Variants in MYO3A observed in about 807,000 individuals in gnomAD.
MYO3A encodes myosin-IIIa.
In MYO3A, 180 loss-of-function variants were observed where a neutral mutation model predicts 192.7. The observed-to-expected ratio is 0.93, with a 90% CI of 0.83 to 1.06. The LOEUF (loss-of-function observed/expected upper bound fraction) is 1.06, where lower values mean the gene tolerates loss of function less well. MYO3A is among the 50% of genes least tolerant of loss of function. MYO3A has a pLI of 0.00. For missense variants in MYO3A, 1,896 were observed against 1,905.0 expected, an observed-to-expected ratio of 1.00 and a Z score of 0.09; for synonymous variants, 628 against 645.3, an observed-to-expected ratio of 0.97 and a Z score of 0.41.
chr10:26,174,436 A>G lies in MYO3A; in HGVS notation c.4172A>G (p.His1391Arg). The part of the protein sequence containing the change: ...TTPTEVARNT[H>R]NLYSYPTKHE... ...CCAACAGAAGTAGCAAGAAACACTC[A>G]TAATTTGTATTCCTATCCCACAAAA... Residue 1391 changes from histidine (H) to arginine (R), a missense_variant, in exon 30 of 35, where the codon CAT becomes CGT. His to Arg is a conservative substitution (Grantham distance 29). Coordinates refer to ENST00000642920, the MANE Select transcript of MYO3A (RefSeq NM_017433.5). The G allele has an allele frequency of 6.2e-7, 1 of 1,614,188 alleles. No homozygotes were observed. The highest frequency in any genetic ancestry group is 8.5e-7 in the Non-Finnish European group (1 of 1,180,036).
intron 34 of MYO3A, among the ~76,000 whole-genome samples, chr10:26,211,168 G>C (rs1050082409): frequency 1.3e-5 from 2 of 152,206 alleles, no homozygotes; most frequent in Admixed American, 6.5e-5. Context: ...GGTGCTCAGT[G>C]AATGAATGAA....
In MYO3A at chr10:26,145,468, A is replaced by C; in HGVS notation, c.2439A>C (p.Lys813Asn). The change falls in exon 22 of 35, where the codon AAA becomes AAC. Residue 813 changes from lysine (K) to asparagine (N), a missense_variant. By Grantham distance (94) the Lys-to-Asn change is moderately conservative. Coordinates refer to ENST00000642920, the MANE Select transcript of MYO3A (RefSeq NM_017433.5). ...CAGAAAAATTTGAAGGTAACCTGAA[A>C]TCACAATACTTCTGGAGACCCAAAA... Reference protein sequence around the residue: ...TLVEKFEGNLKSQYFWRPKRM... With the variant: ...TLVEKFEGNLNSQYFWRPKRM... The C allele has an allele frequency of 6.2e-7, 1 of 1,608,420 alleles. No homozygotes were observed. Among genetic ancestry groups the C allele is most frequent in the East Asian group, 2.2e-5 (1 of 44,794 alleles).
chr10:26,088,165 T>C, intron 14 of MYO3A, 38 bp from the exon 15 acceptor site: 1 of 1,470,100 alleles, frequency 6.8e-7, no homozygotes, highest in Non-Finnish European at 9.3e-7. Flanking sequence ...AAATTAATTT[T>C]TTATGTTTTT....
At chr10:26,077,015 T>C (rs1835618457) in intron 14 of MYO3A, among the ~76,000 whole-genome samples, 3 of 152,086 alleles carry the variant, frequency 2.0e-5, no homozygotes, top group Admixed American at 2.0e-4. Context: ...AGAATTGTTT[T>C]TTCCTAATTC....
intron 2 of MYO3A, among the ~76,000 whole-genome samples, chr10:25,949,198 A>G (rs185218378): frequency 4.9e-4 from 75 of 152,166 alleles, no homozygotes; most frequent in African/African-American, 1.8e-3. Flanking sequence ...CTATCTTTGT[A>G]TTTCCAAAAC....
chr10:26,073,461 T>C (rs995495147), intron 14 of MYO3A, among the ~76,000 whole-genome samples: 2 of 151,512 alleles, frequency 1.3e-5, no homozygotes, highest in South Asian at 4.2e-4. Context: ...CCCAGGTGCT[T>C]GGGTGGCTGA....
intron 4 of MYO3A, among the ~76,000 whole-genome samples, chr10:25,986,174 C>G (rs974748058): frequency 5.3e-5 from 8 of 152,082 alleles, no homozygotes; most frequent in African/African-American, 1.9e-4. Context: ...GATTAAAGCC[C>G]TCAGGAAAAT....
intron 31 of MYO3A, among the ~76,000 whole-genome samples, chr10:26,192,904 C>T (rs1354967591): frequency 6.6e-6 from 1 of 152,096 alleles, no homozygotes; most frequent in Admixed American, 6.5e-5. Flanking sequence ...ATCTGCCTGC[C>T]TCAGCCTCCC....
At chr10:26,197,276 G>A (rs766776094) in intron 32 of MYO3A, among the ~76,000 whole-genome samples, 4 of 152,106 alleles carry the variant, frequency 2.6e-5, no homozygotes, top group Non-Finnish European at 5.9e-5. Flanking sequence ...TAGTCATGGT[G>A]AATGAGTGCA....
intron 14 of MYO3A, among the ~76,000 whole-genome samples, chr10:26,073,794 G>A (rs10828947): frequency 0.73 from 110,374 of 151,874 alleles, 40,548 homozygotes; most frequent in African/African-American, 0.82. Context: ...ACAGACAGAA[G>A]CAGATCAGTG....
At chr10:26,155,264 G>A (rs1382439464) in intron 25 of MYO3A, among the ~76,000 whole-genome samples, 3 of 152,172 alleles carry the variant, frequency 2.0e-5, no homozygotes, top group South Asian at 2.1e-4. Context: ...AATAGAGCCC[G>A]TGTAGGAATG....
At chr10:26,109,020 CCAGA>C (rs762654458) in intron 17 of MYO3A, among the ~76,000 whole-genome samples, 1 of 152,172 alleles carries the variant, frequency 6.6e-6, no homozygotes, top group Admixed American at 6.5e-5. Context: ...CAGAAATTTT[CCAGA>C]CAGTTATTTG....
At position 26,070,182 on chromosome 10, in the gene MYO3A, A is replaced by T. The variant is rs3758442; in HGVS notation, c.1242A>T (p.Gly414=). ...ACATTTTTGCAATGGCTGACTTAGG[A>T]TATCAATCTATGATAACATATAATT... ...PPHIFAMADL[G]YQSMITYNSD... The change falls in exon 13 of 35, where the codon GGA becomes GGT. Residue 414 remains glycine, a synonymous_variant. Coordinates refer to ENST00000642920, the MANE Select transcript of MYO3A (RefSeq NM_017433.5). 7.5e-4 allele frequency: 1,201 copies of T among 1,611,560 alleles called. 20 individuals are homozygous for T. In the East Asian group the frequency reaches 0.024, roughly 32 times the overall value.
chr10:26,124,804 G>T (rs901580232), intron 18 of MYO3A, among the ~76,000 whole-genome samples: 2 of 152,124 alleles, frequency 1.3e-5, no homozygotes, highest in African/African-American at 2.4e-5. Context: ...ATAAATGTTT[G>T]TTCAAACATC....
intron 4 of MYO3A, among the ~76,000 whole-genome samples, chr10:25,962,006 T>A (rs1012991158): frequency 6.6e-6 from 1 of 152,118 alleles, no homozygotes; most frequent in African/African-American, 2.4e-5. Context: ...AGGGGATGTA[T>A]CAGAGCAATG....
At chr10:26,030,329 T>C (rs906597978) in intron 10 of MYO3A, among the ~76,000 whole-genome samples, 1 of 152,210 alleles carries the variant, frequency 6.6e-6, no homozygotes, top group Non-Finnish European at 1.5e-5. Context: ...TTTACTTTAT[T>C]TTTTTAATGT....
At position 26,009,454 on chromosome 10, in the gene MYO3A, A is replaced by G. The variant is rs377253098; in HGVS notation, c.509-7366A>G. Among the ~76,000 whole-genome samples, 13 of 152,350 alleles carry G rather than the reference A, an allele frequency of 8.5e-5. No homozygotes were observed. The East Asian group carries it at 2.3e-3, about 27-fold the overall frequency. On this transcript the variant is annotated intron_variant, in intron 6 of 34. Coordinates refer to ENST00000642920, the MANE Select transcript of MYO3A (RefSeq NM_017433.5). ...TCTCACAAATGAGAGAGCAGGCCCA[A>G]GGGGACTGGAACTGGGACAGGTAAG...
intron 10 of MYO3A, among the ~76,000 whole-genome samples, chr10:26,062,041 G>T (rs558942101): frequency 8.7e-6 from 1 of 114,608 alleles, no homozygotes; most frequent in Non-Finnish European, 2.1e-5. Flanking sequence ...CATGCCAGAC[G>T]TTGTGGGGGG....
At chr10:25,964,613 A>G (rs185224312) in intron 4 of MYO3A, among the ~76,000 whole-genome samples, 17 of 152,330 alleles carry the variant, frequency 1.1e-4, no homozygotes, top group African/African-American at 3.8e-4. Flanking sequence ...CTTTCTACAT[A>G]GGATAAGAGT....
Sources: gnomAD v4.1 joint callset for allele counts (sites outside exome capture counted in the v4.1 genomes callset) on GRCh38, gnomAD v4.1.1 for gene constraint, MANE v1.5 for transcripts, NCBI Gene and HGNC (gene_info 2026-07-23, HGNC 2026-07-21) for gene names.